Variants in PARD6G observed in about 807,000 individuals in gnomAD.
PARD6G encodes the protein partitioning defective 6 homolog gamma.
A neutral mutation model predicts 10.7 loss-of-function variants in PARD6G; 7 were observed. The ratio of observed to expected loss-of-function variants is 0.66; its 90% CI spans 0.37 to 1.23. The LOEUF (loss-of-function observed/expected upper bound fraction) is 1.23, where lower values mean the gene tolerates loss of function less well. Among genes scored for constraint, PARD6G ranks in the 50% most tolerant of loss-of-function variants. The pLI, the probability that PARD6G is intolerant of heterozygous loss-of-function variation, is 0.02. For synonymous variants in PARD6G, 287 were observed against 269.4 expected (o/e 1.07, Z -0.64); for missense variants, 548 against 571.8 (o/e 0.96, Z 0.42).
At chr18:80,177,756 C>A (rs1200006136) in intron 2 of PARD6G, among the ~76,000 whole-genome samples, 1 of 151,240 alleles carries the variant, frequency 6.6e-6, no homozygotes, top group Non-Finnish European at 1.5e-5. Context: ...AAATGGGAAG[C>A]ACACGCACCC....
rs2145279940 is a variant in PARD6G at position 80,201,400 on chromosome 18, G to A, written c.295+1310C>T. Among the ~76,000 whole-genome samples, 1 of 152,322 alleles carries A rather than the reference G, an allele frequency of 6.6e-6. No homozygotes were observed. The highest frequency in any genetic ancestry group is 2.1e-4 in the South Asian group (1 of 4,828). Reference sequence around the variant, plus strand: ...CAGAGGACCGAGGTGTGGCACGCTGGAGGCTGTGCAGAGCCATGCAGAGAC... The same window carrying A: ...CAGAGGACCGAGGTGTGGCACGCTGAAGGCTGTGCAGAGCCATGCAGAGAC... On this transcript the variant is annotated intron_variant, in intron 2 of 2. Transcript: ENST00000353265. The surrounding 1 kb of genome is among the most constrained non-coding windows in gnomAD (Gnocchi z 5.9).
chr18:80,245,895 T>C (rs1003954555), intron 1 of PARD6G, among the ~76,000 whole-genome samples: 6 of 151,994 alleles, frequency 3.9e-5, no homozygotes, highest in African/African-American at 1.5e-4. Context: ...GATCTTATGA[T>C]AAATGAGGGA....
intron 1 of PARD6G, among the ~76,000 whole-genome samples, chr18:80,209,004 C>T (rs1471605370): frequency 8.6e-5 from 13 of 151,700 alleles, no homozygotes. Context: ...GGAGGGTGCT[C>T]CAGGAGAACT....
chr18:80,221,461 C>A (rs1286903723), intron 1 of PARD6G, among the ~76,000 whole-genome samples: 1 of 152,142 alleles, frequency 6.6e-6, no homozygotes, highest in African/African-American at 2.4e-5. Flanking sequence ...GCCATATGAT[C>A]ATGTCAATAG....
chr18:80,208,481 C>T (rs963112507), intron 1 of PARD6G, among the ~76,000 whole-genome samples: 3 of 152,264 alleles, frequency 2.0e-5, no homozygotes, highest in Admixed American at 6.5e-5. Flanking sequence ...TACAACAGGA[C>T]GGCTGCTTCA....
chr18:80,193,211 G>T (rs906210843), intron 2 of PARD6G, among the ~76,000 whole-genome samples: 12 of 152,268 alleles, frequency 7.9e-5, no homozygotes, highest in Non-Finnish European at 1.3e-4. Flanking sequence ...GGCCTGGGGT[G>T]TGGTCAGTAC....
chr18:80,195,036 C>T (rs968940763), intron 2 of PARD6G, among the ~76,000 whole-genome samples: 50 of 2,904 alleles, frequency 0.017, no homozygotes, highest in Admixed American at 0.034. Context: ...AGCCAGAGTC[C>T]CACCTTGGAC....
chr18:80,166,838 C>T (rs2052739356), intron 2 of PARD6G, among the ~76,000 whole-genome samples: 2 of 151,858 alleles, frequency 1.3e-5, no homozygotes, highest in African/African-American at 2.4e-5. Flanking sequence ...CTTCAGGGCC[C>T]CTTCTCCACA....
chr18:80,165,169 C>T (rs576133325), intron 2 of PARD6G, among the ~76,000 whole-genome samples: 5 of 152,236 alleles, frequency 3.3e-5, no homozygotes, highest in Admixed American at 6.5e-5. Context: ...GAGACCAGGG[C>T]GTATCTCAGT....
intron 2 of PARD6G, among the ~76,000 whole-genome samples, chr18:80,172,058 C>T (rs565874007): frequency 6.6e-6 from 1 of 152,268 alleles, no homozygotes; most frequent in East Asian, 1.9e-4. Context: ...TGGATATACA[C>T]CTAGGGGTGG....
At chr18:80,198,590 A>G (rs1966979057) in intron 2 of PARD6G, among the ~76,000 whole-genome samples, 2 of 152,342 alleles carry the variant, frequency 1.3e-5, no homozygotes, top group South Asian at 4.1e-4. Flanking sequence ...ACAGGGAGAC[A>G]GCTGGGGATG....
Position 80,160,383 on chromosome 18 carries a change from G to A in PARD6G, c.519C>T (p.Tyr173=), listed in dbSNP as rs1347970491. ...RHGCEKPLGF[Y]IRDGASVRVT... ...CGCGCACGCTGGCGCCATCGCGGAT[G>A]TAGAAGCCCAGCGGCTTCTCGCAGC... is the stretch of plus-strand genomic sequence containing the variant. Residue 173 remains tyrosine, a synonymous_variant, in exon 3 of 3, where the codon TAC becomes TAT. Coordinates refer to ENST00000353265, the MANE Select transcript of PARD6G (RefSeq NM_032510.4). 1 of 1,608,904 alleles carries A rather than the reference G, an allele frequency of 6.2e-7. No individual in the cohort carries two copies. The highest frequency in any genetic ancestry group is 2.2e-5 in the East Asian group (1 of 44,794).
At position 80,202,802 on chromosome 18, in the gene PARD6G, T is replaced by C. The variant is rs1568436301; in HGVS notation, c.203A>G (p.His68Arg). 3 of 1,614,018 alleles carry C rather than the reference T, an allele frequency of 1.9e-6. No homozygotes were observed. Among genetic ancestry groups the C allele is most frequent in the Middle Eastern group, 1.7e-4 (1 of 6,048 alleles). ...SDVTIGYADV[H>R]GDLLPINNDD... ...ATTGTTGATGGGCAGCAGGTCTCCG[T>C]GCACATCTGCATAGCCAATAGTTAC... Residue 68 changes from histidine (H) to arginine (R), a missense_variant, in exon 2 of 3, where the codon CAC (histidine) becomes CGC (arginine). This residue lies in a region of PARD6G where 235 missense variants were observed against 291.9 expected (regional missense o/e 0.81). Transcript: ENST00000353265.
Position 80,159,614 on chromosome 18 carries a change from AG to A in PARD6G, c.*156del. 8.6e-7 allele frequency: 1 copy of A among 1,160,690 alleles called. No individual in the cohort carries two copies. The allele number at this position is 1,160,690 out of a possible 1,614,324, so 71.9% of individuals were successfully genotyped here. A position where few individuals can be genotyped will look rare whatever the true frequency, so the allele number is the denominator to read the frequency against. ...TTCTGTGGCGAAATTCTATAAAAATAGGCAATACTTGTGTTTTTATATCCGG... is the reference window on the plus strand; with the variant it reads ...TTCTGTGGCGAAATTCTATAAAAATAGCAATACTTGTGTTTTTATATCCGG... On this transcript the variant is annotated 3_prime_UTR_variant, in exon 3 of 3. Coordinates refer to ENST00000353265, the MANE Select transcript of PARD6G (RefSeq NM_032510.4).
chr18:80,232,530 G>A lies in PARD6G; in HGVS notation c.72+14747C>T, dbSNP rs1488929050. On this transcript the variant is annotated intron_variant, in intron 1 of 2. Coordinates refer to ENST00000353265, the MANE Select transcript of PARD6G (RefSeq NM_032510.4). ...AAAAAATGAGGAAGATATGAAAGTG[G>A]AAACCCCTGATAAAACCATCAGATC... Among the ~76,000 whole-genome samples, 8 of 152,182 alleles carry A rather than the reference G, an allele frequency of 5.3e-5. No homozygotes were observed. In the East Asian group the frequency reaches 1.5e-3, roughly 29 times the overall value.
chr18:80,183,140 G>C lies in PARD6G; in HGVS notation c.295+19570C>G, dbSNP rs1386399619. On this transcript the variant is annotated intron_variant, in intron 2 of 2. Transcript: ENST00000353265. The surrounding 1 kb of genome is among the most constrained non-coding windows in gnomAD (Gnocchi z 4.5). ...TGAAGAGTCAGGTTCCTGGTCGCAG[G>C]GCTCCGTCATCTGCAGGAAAATTAG... 2 of 702,836 alleles carry C rather than the reference G, an allele frequency of 2.8e-6. No homozygotes were observed. The highest frequency in any genetic ancestry group is 5.2e-6 in the Non-Finnish European group (2 of 384,998). The allele number at this position is 702,836 out of a possible 1,614,324, so 43.5% of individuals were successfully genotyped here.
rs1377091719 is a variant in PARD6G at position 80,183,420 on chromosome 18, G to A, written c.295+19290C>T. The stretch of plus-strand genomic sequence containing the variant: ...TTTCAGGCAGAGATGGTTTCCTGAG[G>A]GCAGCACCAGTCAGAATGGGTGGAG... On this transcript the variant is annotated intron_variant, in intron 2 of 2. Coordinates refer to ENST00000353265, the MANE Select transcript of PARD6G (RefSeq NM_032510.4). The surrounding 1 kb of genome is among the most constrained non-coding windows in gnomAD (Gnocchi z 4.5). Among the ~76,000 whole-genome samples, 1 of 152,076 alleles carries A rather than the reference G, an allele frequency of 6.6e-6. No homozygotes were observed. The highest frequency in any genetic ancestry group is 1.5e-5 in the Non-Finnish European group (1 of 68,012).
intron 1 of PARD6G, among the ~76,000 whole-genome samples, chr18:80,238,487 A>G (rs1967450950): frequency 7.3e-6 from 1 of 137,042 alleles, no homozygotes; most frequent in South Asian, 2.2e-4. Context: ...AACTTAAAGT[A>G]TAACAAAAAA....
intron 2 of PARD6G, among the ~76,000 whole-genome samples, chr18:80,172,379 CTTTTT>C (rs796958659): frequency 1.5e-5 from 2 of 134,938 alleles, no homozygotes; most frequent in Non-Finnish European, 1.6e-5. Context: ...GGTTGTATGT[CTTTTT>C]TTTTTTTTTT....
Sources: gnomAD v4.1 joint callset for allele counts (sites outside exome capture counted in the v4.1 genomes callset) on GRCh38, gnomAD v4.1.1 for gene constraint, gnomAD v4.1.1 regional missense constraint, Gnocchi (gnomAD v3.1) non-coding constraint, MANE v1.5 for transcripts, NCBI Gene and HGNC (gene_info 2026-07-23, HGNC 2026-07-21) for gene names.